The following PDE3B variants were observed in gnomAD, a reference collection of about 807,000 sequenced individuals.
PDE3B encodes the protein phosphodiesterase 3B, also known as cGMP-inhibited 3',5'-cyclic phosphodiesterase 3B.
PDE3B carries 66 observed loss-of-function variants against 116.8 expected under a neutral mutation model. The observed-to-expected ratio is 0.56, with a 90% CI of 0.46 to 0.69. The LOEUF (loss-of-function observed/expected upper bound fraction) is 0.69, where lower values mean the gene tolerates loss of function less well. PDE3B is among the 30% of genes least tolerant of loss of function. PDE3B has a pLI of 0.00. For missense variants in PDE3B, 1,384 were observed against 1,368.1 expected (o/e 1.01, Z -0.18); for synonymous variants, 595 against 533.6 (o/e 1.12, Z -1.59).
intron 1 of PDE3B, among the ~76,000 whole-genome samples, chr11:14,668,010 A>G (rs1854233165): frequency 6.6e-6 from 1 of 152,070 alleles, no homozygotes. Flanking sequence ...CATTTTGGCC[A>G]AAAGCTTAAT....
At chr11:14,858,094 A>G (rs1168590240) in intron 12 of PDE3B, among the ~76,000 whole-genome samples, 5 of 152,236 alleles carry the variant, frequency 3.3e-5, no homozygotes, top group African/African-American at 1.2e-4. Flanking sequence ...CTGTGCTTAA[A>G]TCTAGGCTAT....
At chr11:14,897,644 A>G in the PDE3B span, among the ~76,000 whole-genome samples, 1 of 152,182 alleles carries the variant, frequency 6.6e-6, no homozygotes, top group Non-Finnish European at 1.5e-5. Flanking sequence ...TTGGTGGTAC[A>G]GAGGTTTATT....
intron 1 of PDE3B, among the ~76,000 whole-genome samples, chr11:14,654,787 T>TACACACACACACACAC (rs59557281): frequency 7.0e-6 from 1 of 141,984 alleles, no homozygotes; most frequent in African/African-American, 2.6e-5. Flanking sequence ...AGCAGCTGTC[T>TACACACACACACACAC]ACACACACAC....
At chr11:14,773,321 G>A (rs1044260574) in intron 2 of PDE3B, 4 of 151,950 alleles carry the variant, frequency 2.6e-5, no homozygotes, top group African/African-American at 4.8e-5. Context: ...TGATCAAGAT[G>A]TATTTTGTTT....
chr11:14,661,523 C>T (rs899509964), intron 1 of PDE3B, among the ~76,000 whole-genome samples: 12 of 152,320 alleles, frequency 7.9e-5, no homozygotes, highest in African/African-American at 1.9e-4. Flanking sequence ...ACTCGGGAAG[C>T]GCAAGGGGTC....
At chr11:14,883,693 T>C in the PDE3B span, among the ~76,000 whole-genome samples, 2 of 152,054 alleles carry the variant, frequency 1.3e-5, no homozygotes, top group Admixed American at 6.5e-5. Flanking sequence ...TGGGATCTAA[T>C]TAAACTCAAG....
the PDE3B span, chr11:14,890,382 A>C: frequency 2.5e-5 from 18 of 722,874 alleles, no homozygotes; most frequent in Non-Finnish European, 3.0e-5. Flanking sequence ...AATAAACTCA[A>C]TTCTGGGAGA....
At chr11:14,743,138 C>G (rs12788030) in intron 1 of PDE3B, among the ~76,000 whole-genome samples, 2 of 151,912 alleles carry the variant, frequency 1.3e-5, no homozygotes, top group African/African-American at 4.8e-5. Context: ...CAGACAGGAA[C>G]GTTTGTTTGC....
At chr11:14,728,451 A>G (rs182209673) in intron 1 of PDE3B, among the ~76,000 whole-genome samples, 7 of 152,228 alleles carry the variant, frequency 4.6e-5, no homozygotes, top group Admixed American at 4.6e-4. Flanking sequence ...AGAGAAAAGG[A>G]AGAGGAAGTA....
intron 4 of PDE3B, among the ~76,000 whole-genome samples, chr11:14,791,037 A>T (rs1037601577): frequency 6.6e-6 from 1 of 152,142 alleles, no homozygotes; most frequent in Non-Finnish European, 1.5e-5. Context: ...TGACTAAGGA[A>T]CTGACTTTTA....
At chr11:14,647,273 G>A (rs1001631528) in intron 1 of PDE3B, among the ~76,000 whole-genome samples, 9 of 151,992 alleles carry the variant, frequency 5.9e-5, no homozygotes, top group African/African-American at 2.2e-4. Flanking sequence ...CCTGACATAG[G>A]AGAAAATGTC....
intron 10 of PDE3B, among the ~76,000 whole-genome samples, chr11:14,833,081 A>T (rs1361496937): frequency 6.6e-6 from 1 of 151,692 alleles, no homozygotes; most frequent in Admixed American, 6.6e-5. Context: ...CCTCGCAGGT[A>T]GCTGGGATTA....
chr11:14,685,359 T>C (rs942163685), intron 1 of PDE3B, among the ~76,000 whole-genome samples: 2 of 151,860 alleles, frequency 1.3e-5, no homozygotes, highest in Admixed American at 6.6e-5. Context: ...GAATGTTCTA[T>C]ATCCTCCCTA....
At chr11:14,880,562 T>A in the PDE3B span, 1 of 1,613,424 alleles carries the variant, frequency 6.2e-7, no homozygotes, top group South Asian at 1.1e-5. Flanking sequence ...ATGATCAGAT[T>A]GGTTATGTTT....
chr11:14,730,938 A>G (rs1856439985), intron 1 of PDE3B, among the ~76,000 whole-genome samples: 1 of 152,222 alleles, frequency 6.6e-6, no homozygotes, highest in East Asian at 1.9e-4. Context: ...AAGTAGCTCA[A>G]GACTTTTAAA....
At chr11:14,877,167 T>C in the PDE3B span, among the ~76,000 whole-genome samples, 1 of 152,168 alleles carries the variant, frequency 6.6e-6, no homozygotes, top group Non-Finnish European at 1.5e-5. Flanking sequence ...TTCCAGTTTG[T>C]TTAGGGCAGT....
intron 5 of PDE3B, among the ~76,000 whole-genome samples, chr11:14,806,364 C>G (rs1858924411): frequency 6.6e-6 from 1 of 151,374 alleles, no homozygotes. Flanking sequence ...AGGAGAATGG[C>G]ATGAACCTGG....
At chr11:14,753,027 G>C (rs1421721231) in intron 1 of PDE3B, among the ~76,000 whole-genome samples, 1 of 152,108 alleles carries the variant, frequency 6.6e-6, no homozygotes, top group Admixed American at 6.6e-5. Flanking sequence ...ATAGTGTGTG[G>C]AAGTGGTAAG....
At chr11:14,728,871 T>A (rs564718568) in intron 1 of PDE3B, among the ~76,000 whole-genome samples, 3 of 152,246 alleles carry the variant, frequency 2.0e-5, no homozygotes, top group East Asian at 1.9e-4. Context: ...TTTATCAGAG[T>A]TCTGTAGAAT....
Sources: allele counts gnomAD v4.1 joint callset (sites outside exome capture counted in the v4.1 genomes callset), GRCh38; gene constraint gnomAD v4.1.1; transcripts MANE v1.5; gene names NCBI Gene and HGNC (gene_info 2026-07-23, HGNC 2026-07-21).